The following NCOA2 variants were observed in gnomAD, a reference collection of about 807,000 sequenced individuals.
NCOA2 encodes class E basic helix-loop-helix protein 75.
A neutral mutation model predicts 145.1 loss-of-function variants in NCOA2; 21 were observed. The ratio of observed to expected loss-of-function variants is 0.14; its 90% CI spans 0.10 to 0.21. The LOEUF (loss-of-function observed/expected upper bound fraction) is 0.21. Among genes scored for constraint, NCOA2 ranks in the 10% least tolerant of loss-of-function variants. The pLI is 1.00. For missense variants in NCOA2, 1,472 were observed against 1,837.6 expected (o/e 0.80, Z 3.64); for synonymous variants, 619 against 637.5 (o/e 0.97, Z 0.44).
At chr8:70,245,958 T>G (rs1237799445) in intron 2 of NCOA2, among the ~76,000 whole-genome samples, 3 of 152,150 alleles carry the variant, frequency 2.0e-5, no homozygotes, top group Admixed American at 6.6e-5. Context: ...CTTTTTAACA[T>G]CAAAATGTAG....
intron 4 of NCOA2, among the ~76,000 whole-genome samples, chr8:70,206,500 T>G (rs1376362349): frequency 2.0e-5 from 3 of 152,242 alleles, no homozygotes; most frequent in Non-Finnish European, 4.4e-5. Flanking sequence ...GTTTCATTAG[T>G]TATGCACCTC....
chr8:70,427,543 A>G, the NCOA2 span, among the ~76,000 whole-genome samples: 1 of 152,126 alleles, frequency 6.6e-6, no homozygotes, highest in Non-Finnish European at 1.5e-5. Flanking sequence ...TTAGTACCAA[A>G]AAAAGCCCCA....
At chr8:70,322,337 A>G (rs1806153328) in intron 1 of NCOA2, among the ~76,000 whole-genome samples, 1 of 152,152 alleles carries the variant, frequency 6.6e-6, no homozygotes, top group Non-Finnish European at 1.5e-5. Flanking sequence ...CCTATGATAA[A>G]TATTTACTGA....
intron 1 of NCOA2, among the ~76,000 whole-genome samples, chr8:70,330,895 T>C (rs916156135): frequency 1.3e-5 from 2 of 152,208 alleles, no homozygotes; most frequent in Non-Finnish European, 2.9e-5. Flanking sequence ...TATCTTCAGT[T>C]ATCTGGAAAT....
chr8:70,266,729 TAG>T (rs1230457785), intron 2 of NCOA2, among the ~76,000 whole-genome samples: 1 of 152,216 alleles, frequency 6.6e-6, no homozygotes, highest in African/African-American at 2.4e-5. Context: ...CACTCTAATT[TAG>T]ACTCATTCAT....
At chr8:70,218,207 T>TTG (rs1819822790) in intron 2 of NCOA2, among the ~76,000 whole-genome samples, 4 of 150,972 alleles carry the variant, frequency 2.6e-5, no homozygotes, top group Middle Eastern at 3.4e-3. Context: ...TAGTTTTTTT[T>TTG]TTTTTTTTTT....
Position 70,166,627 on chromosome 8 carries a change from T to C in NCOA2, c.669A>G (p.Lys223=), listed in dbSNP as rs1363026553. Residue 223 remains lysine (K), a synonymous_variant, in exon 7 of 23, where the codon AAA becomes AAG. Coordinates refer to ENST00000452400, the MANE Select transcript of NCOA2 (RefSeq NM_006540.4). ...CAGCGAAGCACTGCATAGTTTCATATTTCTGATGAGCTTCCTGGTTATCAT... is the reference window on the plus strand; with the variant it reads ...CAGCGAAGCACTGCATAGTTTCATACTTCTGATGAGCTTCCTGGTTATCAT... The part of the protein sequence containing the change: ...EGHDNQEAHQ[K]YETMQCFAVS... 1.9e-6 allele frequency: 3 copies of C among 1,613,918 alleles called. No individual in the cohort carries two copies. Among genetic ancestry groups the C allele is most frequent in the Middle Eastern group, 1.6e-4 (1 of 6,084 alleles).
chr8:70,312,524 T>G (rs1171725286), intron 1 of NCOA2, among the ~76,000 whole-genome samples: 1 of 152,218 alleles, frequency 6.6e-6, no homozygotes, highest in East Asian at 1.9e-4. Context: ...TCAGACTTTT[T>G]ATAAAATACC....
In NCOA2 at chr8:70,112,608, A is replaced by G. The variant is rs528024845; in HGVS notation, c.*1024T>C. ...GGTATCCTTAGCTCGATTGGTATCAAGCCTTAACTTTGCTCTTCTCCTTGC... is the reference window on the plus strand; with the variant it reads ...GGTATCCTTAGCTCGATTGGTATCAGGCCTTAACTTTGCTCTTCTCCTTGC... On this transcript the variant is annotated 3_prime_UTR_variant, in exon 23 of 23. Transcript: ENST00000452400. The G allele has an allele frequency of 4.9e-6, 1 of 204,764 alleles. No individual in the cohort carries two copies. Among genetic ancestry groups the G allele is most frequent in the Admixed American group, 6.0e-5 (1 of 16,806 alleles). The allele number at this position is 204,764 out of a possible 1,614,324, so 12.7% of individuals were successfully genotyped here. A position where few individuals can be genotyped will look rare whatever the true frequency, so the allele number is the denominator to read the frequency against.
Position 70,270,036 on chromosome 8 carries a change from A to G in NCOA2, c.-20+26708T>C, listed in dbSNP as rs1824918517. Reference sequence around the variant, plus strand: ...TTAAAAATTAGCCAGGCTCATTTTTAAATTTTATCCTGGCGCATGCCTGTA... The same window carrying G: ...TTAAAAATTAGCCAGGCTCATTTTTGAATTTTATCCTGGCGCATGCCTGTA... On this transcript the variant is annotated intron_variant, in intron 2 of 22. Coordinates refer to ENST00000452400, the MANE Select transcript of NCOA2 (RefSeq NM_006540.4). Among the ~76,000 whole-genome samples the G allele has an allele frequency of 2.6e-5, 4 of 152,144 alleles. No individual in the cohort carries two copies. In the South Asian group the frequency reaches 6.2e-4, roughly 24 times the overall value.
chr8:70,223,471 CTTA>C (rs1204355026), intron 2 of NCOA2, among the ~76,000 whole-genome samples: 3 of 152,138 alleles, frequency 2.0e-5, no homozygotes, highest in South Asian at 4.1e-4. Flanking sequence ...TTATTGAAGA[CTTA>C]TTATGAGTTA....
intron 1 of NCOA2, among the ~76,000 whole-genome samples, chr8:70,381,176 G>A (rs775499004): frequency 8.6e-5 from 13 of 151,844 alleles, no homozygotes; most frequent in Non-Finnish European, 1.5e-4. Context: ...GTTCATGGGC[G>A]TTCATTACAT....
intron 11 of NCOA2, among the ~76,000 whole-genome samples, 194 bp downstream of exon 11, chr8:70,155,777 C>T (rs531496122): frequency 6.6e-6 from 1 of 152,322 alleles, no homozygotes; most frequent in South Asian, 2.1e-4. Flanking sequence ...GCCTGCCCAC[C>T]TATGTTCTAT....
chr8:70,284,969 T>G (rs1291402130), intron 2 of NCOA2, among the ~76,000 whole-genome samples: 4 of 152,084 alleles, frequency 2.6e-5, no homozygotes, highest in Non-Finnish European at 4.4e-5. Context: ...CAGATTAGAC[T>G]CAAGTTGGTA....
intron 15 of NCOA2, 45 bp downstream of exon 15, chr8:70,138,158 G>A (rs375067385): frequency 1.3e-5 from 21 of 1,573,878 alleles, no homozygotes; most frequent in Non-Finnish European, 1.6e-5. Context: ...ATTAATTTCT[G>A]GACAGGTATA....
At chr8:70,147,110 T>TCGTG (rs1811156291) in intron 12 of NCOA2, among the ~76,000 whole-genome samples, 2 of 149,482 alleles carry the variant, frequency 1.3e-5, no homozygotes, top group African/African-American at 5.0e-5. Flanking sequence ...TGCAAATCTT[T>TCGTG]CGCGCGCGCG....
In NCOA2 at chr8:70,111,232, G is replaced by A. The variant is rs533795998; in HGVS notation, c.*2400C>T. The A allele has an allele frequency of 4.9e-5, 11 of 225,584 alleles. No homozygotes were observed. The highest frequency in any genetic ancestry group is 1.3e-4 in the East Asian group (2 of 15,548). The allele number at this position is 225,584 out of a possible 1,614,324, so 14.0% of individuals were successfully genotyped here. A position where few individuals can be genotyped will look rare whatever the true frequency, so the allele number is the denominator to read the frequency against. ...ATTAGGATTGACATTAAAATACAGC[G>A]GGCAGATGGATAAAAAAGAAGAGAT... On this transcript the variant is annotated 3_prime_UTR_variant, in exon 23 of 23. Coordinates refer to ENST00000452400, the MANE Select transcript of NCOA2 (RefSeq NM_006540.4).
At chr8:70,154,668 G>T (rs1812096025) in intron 11 of NCOA2, among the ~76,000 whole-genome samples, 1 of 152,168 alleles carries the variant, frequency 6.6e-6, no homozygotes. Context: ...CTCCCAAAGT[G>T]TTGGGATTAC....
At chr8:70,126,632 T>G in intron 19 of NCOA2, 181 bp downstream of exon 19, 1 of 616,300 alleles carries the variant, frequency 1.6e-6, no homozygotes, top group Non-Finnish European at 2.9e-6. Context: ...GAAGGTACTG[T>G]GCTGGACTTG....
Sources: gnomAD v4.1 joint callset for allele counts (sites outside exome capture counted in the v4.1 genomes callset) on GRCh38, gnomAD v4.1.1 for gene constraint, MANE v1.5 for transcripts, NCBI Gene and HGNC (gene_info 2026-07-23, HGNC 2026-07-21) for gene names.